Variants in WWOX observed in about 807,000 individuals in gnomAD.
The protein encoded by WWOX is WW domain containing oxidoreductase.
WWOX carries 69 observed loss-of-function variants against 46.2 expected under a neutral mutation model. The observed-to-expected ratio is 1.49, with a 90% CI of 1.23 to 1.82. The LOEUF (loss-of-function observed/expected upper bound fraction) is 1.82, where lower values mean the gene tolerates loss of function less well. Ranked by LOEUF, WWOX falls within the 40% of genes most tolerant of loss-of-function variation. The pLI is 0.00. For synonymous variants in WWOX, 359 were observed against 202.6 expected, an observed-to-expected ratio of 1.77 and a Z score of -6.56; for missense variants, 919 against 542.6, an observed-to-expected ratio of 1.69 and a Z score of -6.89.
chr16:78,493,301 G>A (rs1252523723), intron 8 of WWOX, among the ~76,000 whole-genome samples: 1 of 152,142 alleles, frequency 6.6e-6, no homozygotes, highest in Non-Finnish European at 1.5e-5. Flanking sequence ...TAAGACAGGT[G>A]GCTAGCATTA....
intron 5 of WWOX, among the ~76,000 whole-genome samples, chr16:78,275,465 G>C: frequency 6.6e-6 from 1 of 152,212 alleles, no homozygotes; most frequent in East Asian, 1.9e-4. Flanking sequence ...CGCATCCCCT[G>C]CAGTAACTGG....
At chr16:78,864,395 G>T (rs1386168120) in intron 8 of WWOX, among the ~76,000 whole-genome samples, 1 of 151,980 alleles carries the variant, frequency 6.6e-6, no homozygotes, top group African/African-American at 2.4e-5. Context: ...AGCCTCCTGA[G>T]TAGATGGGAC....
At chr16:78,402,403 C>G (rs1397605334) in intron 6 of WWOX, among the ~76,000 whole-genome samples, 1 of 152,138 alleles carries the variant, frequency 6.6e-6, no homozygotes, top group Non-Finnish European at 1.5e-5. Flanking sequence ...GTTGTTCCTA[C>G]TTTTTGGCTA....
chr16:79,089,825 C>G (rs1021528046), intron 8 of WWOX, among the ~76,000 whole-genome samples: 1 of 151,894 alleles, frequency 6.6e-6, no homozygotes, highest in Non-Finnish European at 1.5e-5. Context: ...TTTCATTCCT[C>G]GGAGTTCTGA....
chr16:78,798,549 A>T (rs1487473144), intron 8 of WWOX, among the ~76,000 whole-genome samples: 2 of 150,522 alleles, frequency 1.3e-5, no homozygotes, highest in Non-Finnish European at 2.9e-5. Flanking sequence ...AAGCTTAGCT[A>T]TGCAATATAT....
chr16:78,767,663 C>T lies in WWOX; in HGVS notation c.1056+334911C>T, dbSNP rs538997896. On this transcript the variant is annotated intron_variant, in intron 8 of 8. Transcript: ENST00000566780. ...CTGCCAAACTGTCTTCAACAGCAGC[C>T]GCATCATTTTACATTCCCACCAGCA... is the stretch of plus-strand genomic sequence containing the variant. Among the ~76,000 whole-genome samples the T allele has an allele frequency of 3.3e-5, 5 of 152,210 alleles. No individual in the cohort carries two copies. In the East Asian group the frequency reaches 5.8e-4, roughly 18 times the overall value.
At chr16:78,998,814 C>G (rs986978687) in intron 8 of WWOX, among the ~76,000 whole-genome samples, 1 of 152,230 alleles carries the variant, frequency 6.6e-6, no homozygotes, top group South Asian at 2.1e-4. Context: ...TCAGGTGCAT[C>G]TCTAAATTCT....
At chr16:78,310,150 G>T (rs1163199436) in intron 5 of WWOX, among the ~76,000 whole-genome samples, 3 of 150,950 alleles carry the variant, frequency 2.0e-5, no homozygotes, top group Non-Finnish European at 4.4e-5. Context: ...TTTGTTGCTG[G>T]TAACTGTATC....
chr16:78,429,383 C>T (rs1040985944), intron 7 of WWOX, among the ~76,000 whole-genome samples: 1 of 152,168 alleles, frequency 6.6e-6, no homozygotes, highest in Non-Finnish European at 1.5e-5. Flanking sequence ...TGCATGGCTT[C>T]TTTCATTCTC....
intron 8 of WWOX, among the ~76,000 whole-genome samples, chr16:78,994,758 A>T (rs1320670338): frequency 6.6e-6 from 1 of 152,108 alleles, no homozygotes; most frequent in African/African-American, 2.4e-5. Context: ...GAAGGCAGAG[A>T]AGGACTTTCT....
intron 8 of WWOX, among the ~76,000 whole-genome samples, chr16:78,913,884 G>A (rs1044383780): frequency 6.6e-6 from 1 of 151,906 alleles, no homozygotes; most frequent in Non-Finnish European, 1.5e-5. Context: ...TGGTCTCAAA[G>A]TCCTGGCCTC....
chr16:78,288,534 T>C (rs1567479591), intron 5 of WWOX, among the ~76,000 whole-genome samples: 1 of 152,148 alleles, frequency 6.6e-6, no homozygotes, highest in African/African-American at 2.4e-5. Context: ...AGAAGAAATA[T>C]ATTTCTTGCC....
intron 8 of WWOX, among the ~76,000 whole-genome samples, chr16:78,553,669 G>A (rs551451639): frequency 1.9e-4 from 29 of 152,248 alleles, no homozygotes; most frequent in African/African-American, 6.7e-4. Flanking sequence ...AATATACACG[G>A]CTCAAAGTTG....
intron 8 of WWOX, among the ~76,000 whole-genome samples, chr16:78,548,980 A>G (rs1385260596): frequency 1.3e-5 from 2 of 152,162 alleles, no homozygotes; most frequent in Non-Finnish European, 2.9e-5. Context: ...CAACAGATGG[A>G]TGGGTTGGTG....
chr16:78,309,251 A>G (rs759800386), intron 5 of WWOX, among the ~76,000 whole-genome samples: 2 of 152,308 alleles, frequency 1.3e-5, no homozygotes, highest in Middle Eastern at 3.4e-3. Flanking sequence ...ATGGTTATAA[A>G]TAAGTGTTTG....
chr16:78,264,702 GT>G (rs1452017534), intron 5 of WWOX: 1 of 152,208 alleles, frequency 6.6e-6, no homozygotes, highest in African/African-American at 2.4e-5. Context: ...TGGCTGCAAT[GT>G]TTGTTGATAA....
intron 7 of WWOX, among the ~76,000 whole-genome samples, chr16:78,428,330 A>T (rs2083135201): frequency 3.9e-5 from 6 of 152,192 alleles, no homozygotes; most frequent in Non-Finnish European, 8.8e-5. Context: ...GTTTTTCAGG[A>T]AGCCGTTTCT....
At chr16:78,875,143 G>T (rs567722606) in intron 8 of WWOX, among the ~76,000 whole-genome samples, 4 of 152,154 alleles carry the variant, frequency 2.6e-5, no homozygotes, top group Admixed American at 1.3e-4. Flanking sequence ...CTACTTCATG[G>T]GTTTGAATTC....
At chr16:78,741,700 C>T (rs112309923) in intron 8 of WWOX, among the ~76,000 whole-genome samples, 36 of 151,990 alleles carry the variant, frequency 2.4e-4, no homozygotes, top group African/African-American at 8.4e-4. Context: ...ACTAAAAATA[C>T]AGAAATCAGT....
Sources: allele counts gnomAD v4.1 joint callset (sites outside exome capture counted in the v4.1 genomes callset), GRCh38; gene constraint gnomAD v4.1.1; transcripts MANE v1.5; gene names NCBI Gene and HGNC (gene_info 2026-07-23, HGNC 2026-07-21).